CRACDL: variants seen among roughly 807,000 people sequenced by gnomAD.
The protein encoded by CRACDL is CRACD like, also known as CRACD-like protein.
In CRACDL, 26 loss-of-function variants were observed where a neutral mutation model predicts 70.6. The observed-to-expected ratio is 0.37, with a 90% CI of 0.27 to 0.51. CRACDL has a LOEUF of 0.51. CRACDL is among the 20% of genes least tolerant of loss of function. The probability of loss-of-function intolerance (pLI) is 0.94; values close to 1 mark genes in which losing one functional copy is unlikely to be tolerated. For missense variants in CRACDL, 1,283 were observed against 1,376.9 expected, an observed-to-expected ratio of 0.93 and a Z score of 1.08; for synonymous variants, 618 against 615.2, an observed-to-expected ratio of 1.00 and a Z score of -0.07.
chr2:98,875,331 GCCT>G (rs1472224242), intron 1 of CRACDL, among the ~76,000 whole-genome samples: 2 of 152,242 alleles, frequency 1.3e-5, no homozygotes, highest in African/African-American at 4.8e-5. Context: ...CAGATGCCTG[GCCT>G]CCTAACTGCC....
chr2:98,826,914 G>C (rs1266954373), intron 6 of CRACDL, 61 bp downstream of exon 6: 4 of 1,278,230 alleles, frequency 3.1e-6, no homozygotes, highest in African/African-American at 3.2e-5. Flanking sequence ...GTTGGGGGGG[G>C]GCATAGGGGG....
chr2:98,803,271 A>C (rs1704157916), intron 7 of CRACDL, among the ~76,000 whole-genome samples: 1 of 152,078 alleles, frequency 6.6e-6, no homozygotes, highest in Non-Finnish European at 1.5e-5. Flanking sequence ...AAGTGCTGGG[A>C]TTACAGGCAT....
intron 1 of CRACDL, among the ~76,000 whole-genome samples, chr2:98,931,279 C>G (rs141365585): frequency 2.1e-5 from 3 of 145,606 alleles, no homozygotes; most frequent in Admixed American, 7.1e-5. Context: ...GAGCAGAGAT[C>G]GCGCCACTGC....
intron 1 of CRACDL, among the ~76,000 whole-genome samples, chr2:98,882,756 C>T (rs535356404): frequency 9.2e-5 from 14 of 152,118 alleles, no homozygotes; most frequent in African/African-American, 3.4e-4. Flanking sequence ...CCCCCGATTC[C>T]ACACGGAATG....
chr2:98,833,237 T>G (rs562617286), intron 3 of CRACDL, among the ~76,000 whole-genome samples: 16 of 152,246 alleles, frequency 1.1e-4, no homozygotes, highest in Non-Finnish European at 1.8e-4. Flanking sequence ...GTGTGAATTA[T>G]TTTTGTATTA....
intron 1 of CRACDL, among the ~76,000 whole-genome samples, chr2:98,850,811 C>A (rs181408896): frequency 3.0e-4 from 45 of 152,264 alleles, no homozygotes; most frequent in Admixed American, 7.8e-4. Flanking sequence ...GTGGGGGCCG[C>A]CCCACTCCCT....
intron 1 of CRACDL, among the ~76,000 whole-genome samples, chr2:98,881,075 C>T (rs187494996): frequency 3.2e-4 from 49 of 152,316 alleles, no homozygotes; most frequent in Admixed American, 2.9e-3. Context: ...ATGGGCCGCA[C>T]TCGGCACCTG....
chr2:98,844,198 T>C (rs533349043), intron 2 of CRACDL, among the ~76,000 whole-genome samples: 5 of 152,364 alleles, frequency 3.3e-5, no homozygotes, highest in Non-Finnish European at 1.5e-5. Flanking sequence ...ATATGTTGTA[T>C]AAACATGTCA....
intron 5 of CRACDL, 112 bp from the exon 6 acceptor site, chr2:98,827,281 G>A (rs1705345892): frequency 5.7e-6 from 4 of 707,698 alleles, no homozygotes; most frequent in Admixed American, 5.2e-5. Flanking sequence ...CACTGTCTCT[G>A]GCTTTACGTG....
At position 98,822,584 on chromosome 2, in the gene CRACDL, C is replaced by A; in HGVS notation, c.1689G>T (p.Arg563Ser). 1 of 1,445,730 alleles carries A rather than the reference C, an allele frequency of 6.9e-7. No homozygotes were observed. Among genetic ancestry groups the A allele is most frequent in the Non-Finnish European group, 9.0e-7 (1 of 1,105,556 alleles). The allele number at this position is 1,445,730 out of a possible 1,614,324, so 89.6% of individuals were successfully genotyped here. A position where few individuals can be genotyped will look rare whatever the true frequency, so the allele number is the denominator to read the frequency against. Reference protein sequence around the residue: ...ERAAPERKAERGGAELRGAKK... With the variant: ...ERAAPERKAESGGAELRGAKK... Reference sequence around the variant, plus strand: ...TCGCGCCTCGCAGCTCGGCACCGCCCCTCTCCGCCTTCCGCTCTGGCGCCG... The same window carrying A: ...TCGCGCCTCGCAGCTCGGCACCGCCACTCTCCGCCTTCCGCTCTGGCGCCG... Residue 563 changes from arginine to serine, a missense_variant, in exon 7 of 10, where the codon AGG becomes AGT. This residue lies in a region of CRACDL where 921 missense variants were observed against 881.9 expected (regional missense o/e 1.04). Coordinates refer to ENST00000397899, the MANE Select transcript of CRACDL (RefSeq NM_207362.3). The surrounding 1 kb of genome is among the most constrained non-coding windows in gnomAD (Gnocchi z 4.9).
rs1292089409 is a variant in CRACDL at position 98,823,250 on chromosome 2, G to A, written c.1023C>T (p.Leu341=). 2 of 1,402,334 alleles carry A rather than the reference G, an allele frequency of 1.4e-6. No individual in the cohort carries two copies. Among genetic ancestry groups the A allele is most frequent in the East Asian group, 2.9e-5 (1 of 34,198 alleles). 86.9% of individuals were successfully genotyped at this position (1,402,334 alleles called of 1,614,324 possible). ...GAGTGGGGGCCGACTCGGGCTCGGC[G>A]AGCTCCGGGGTGGCCGGGCGGCTTG... is the stretch of plus-strand genomic sequence containing the variant. The part of the protein sequence containing the change: ...DPSSRPATPE[L]AEPESAPTLR... Residue 341 remains leucine (L), a synonymous_variant, in exon 7 of 10, where the codon CTC becomes CTT. Coordinates refer to ENST00000397899, the MANE Select transcript of CRACDL (RefSeq NM_207362.3). This position sits in a 1 kb window ranked among gnomAD's most constrained non-coding sequence, Gnocchi z 4.0.
chr2:98,861,506 G>A (rs1706935380), intron 1 of CRACDL, among the ~76,000 whole-genome samples: 1 of 152,130 alleles, frequency 6.6e-6, no homozygotes, highest in African/African-American at 2.4e-5. Context: ...CAGGTACTTT[G>A]GAAAAGCTTG....
chr2:98,804,512 T>C (rs1257284078), intron 7 of CRACDL, among the ~76,000 whole-genome samples: 2 of 152,208 alleles, frequency 1.3e-5, no homozygotes, highest in Non-Finnish European at 2.9e-5. Flanking sequence ...GCCGCCTTAT[T>C]GTTTTAGCTC....
intron 1 of CRACDL, among the ~76,000 whole-genome samples, chr2:98,909,446 A>T (rs1708492040): frequency 6.6e-6 from 1 of 152,228 alleles, no homozygotes; most frequent in Non-Finnish European, 1.5e-5. Context: ...TGATTACGAG[A>T]TAAGGATGCA....
intron 1 of CRACDL, among the ~76,000 whole-genome samples, chr2:98,932,119 G>C (rs1024630271): frequency 6.6e-6 from 1 of 152,158 alleles, no homozygotes; most frequent in East Asian, 1.9e-4. Flanking sequence ...GATTTTGAAC[G>C]CTGGCTGTCT....
At chr2:98,902,676 C>G (rs1291696495) in intron 1 of CRACDL, among the ~76,000 whole-genome samples, 1 of 152,126 alleles carries the variant, frequency 6.6e-6, no homozygotes, top group Non-Finnish European at 1.5e-5. Flanking sequence ...GTCTGTAGGA[C>G]AGAGGGCCCT....
In CRACDL at chr2:98,827,120, C is replaced by T. The variant is rs184848302; in HGVS notation, c.590G>A (p.Arg197Gln). The T allele has an allele frequency of 2.4e-5, 38 of 1,614,054 alleles. No individual in the cohort carries two copies. The highest frequency in any genetic ancestry group is 1.6e-4 in the East Asian group (7 of 44,868). Residue 197 changes from arginine to glutamine, a missense_variant, in exon 6 of 10, where the codon CGG (arginine) becomes CAG (glutamine). Arg to Gln is a conservative substitution (Grantham distance 43). Transcript: ENST00000397899. Reference sequence around the variant, plus strand: ...TGGTGCCAGGCTGTTGTCTGAGATCCGGGCAGAGACGGTGCTGTCGCTCAC... The same window carrying T: ...TGGTGCCAGGCTGTTGTCTGAGATCTGGGCAGAGACGGTGCTGTCGCTCAC... ...DHVSDSTVSARISDNSLAPVA... is the reference protein window; with the variant it reads ...DHVSDSTVSAQISDNSLAPVA...
intron 7 of CRACDL, among the ~76,000 whole-genome samples, chr2:98,813,993 A>G (rs1704678287): frequency 1.3e-5 from 2 of 152,188 alleles, no homozygotes. Context: ...AGAATTGTTC[A>G]TAGTATTCCC....
chr2:98,800,343 G>A (rs1049430543), intron 7 of CRACDL, among the ~76,000 whole-genome samples: 3 of 152,124 alleles, frequency 2.0e-5, no homozygotes, highest in Non-Finnish European at 4.4e-5. Flanking sequence ...GGGGTTGGGG[G>A]CAGGTGGAGG....
Sources: allele counts gnomAD v4.1 joint callset (sites outside exome capture counted in the v4.1 genomes callset), GRCh38; gene constraint gnomAD v4.1.1; regional missense constraint gnomAD v4.1.1; non-coding constraint Gnocchi (gnomAD v3.1); transcripts MANE v1.5; gene names NCBI Gene and HGNC (gene_info 2026-07-23, HGNC 2026-07-21).